Variants in MMRN2 observed in about 807,000 individuals in gnomAD.
MMRN2 encodes the protein multimerin 2, also known as multimerin-2.
A neutral mutation model predicts 68.8 loss-of-function variants in MMRN2; 53 were observed. The ratio of observed to expected loss-of-function variants is 0.77; its 90% CI spans 0.62 to 0.97. The LOEUF (loss-of-function observed/expected upper bound fraction) is 0.97. Among genes scored for constraint, MMRN2 ranks in the 50% least tolerant of loss-of-function variants. The probability of loss-of-function intolerance (pLI) is 0.00; values close to 1 mark genes in which losing one functional copy is unlikely to be tolerated. For synonymous variants in MMRN2, 564 were observed against 551.6 expected (o/e 1.02, Z -0.32); for missense variants, 1,266 against 1,259.5 (o/e 1.01, Z -0.08).
intron 1 of MMRN2, among the ~76,000 whole-genome samples, chr10:86,956,004 G>C (rs1385034269): frequency 6.6e-6 from 1 of 152,130 alleles, no homozygotes; most frequent in Non-Finnish European, 1.5e-5. Context: ...AAGAGGAGCA[G>C]CTCCCTCCTC....
At position 86,944,519 on chromosome 10, in the gene MMRN2, G is replaced by C. The variant is rs570164097; in HGVS notation, c.482-84C>G. On this transcript the variant is annotated intron_variant, in intron 4 of 6. Transcript: ENST00000372027. ...AAGGTTCAGAGAAGGAGAGTTGAAG[G>C]CTGAGAGCAGGGAAGTTAGCTGCTG... is the stretch of plus-strand genomic sequence containing the variant. 4.0e-6 allele frequency: 6 copies of C among 1,486,140 alleles called. No individual in the cohort carries two copies. In the Admixed American group the frequency reaches 1.1e-4, roughly 28 times the overall value. 92.1% of individuals were successfully genotyped at this position (1,486,140 alleles called of 1,614,324 possible). A position where few individuals can be genotyped will look rare whatever the true frequency, so the allele number is the denominator to read the frequency against.
chr10:86,943,229 G>C lies in MMRN2; in HGVS notation c.1555C>G (p.Gln519Glu). Residue 519 changes from glutamine (Q) to glutamate (E), a missense_variant, in exon 6 of 7, where the codon CAG (glutamine) becomes GAG (glutamate). Transcript: ENST00000372027. The surrounding 1 kb of genome is among the most constrained non-coding windows in gnomAD (Gnocchi z 4.2). ...RDATRALEET[Q>E]VSLDERRQLD... is the part of the protein sequence containing the mutation. ...TGCCGCCGCTCGTCCAGGCTCACCT[G>C]GGTCTCCTCCAGGGCACGCGTGGCG... The C allele has an allele frequency of 6.2e-7, 1 of 1,610,984 alleles. No individual in the cohort carries two copies. Among genetic ancestry groups the C allele is most frequent in the Middle Eastern group, 1.7e-4 (1 of 6,058 alleles).
intron 1 of MMRN2, among the ~76,000 whole-genome samples, chr10:86,950,212 C>A (rs1422661847): frequency 6.6e-6 from 1 of 151,564 alleles, no homozygotes; most frequent in Non-Finnish European, 1.5e-5. Flanking sequence ...TGGGCATAAT[C>A]TCCTAATTAT....
At chr10:86,939,792 A>T (rs1245354063) in intron 6 of MMRN2, among the ~76,000 whole-genome samples, 1 of 151,048 alleles carries the variant, frequency 6.6e-6, no homozygotes, top group African/African-American at 2.4e-5. Context: ...ACAAACAAAT[A>T]AAGGGAAATT....
chr10:86,944,613 A>G (rs1589303002), intron 4 of MMRN2, 178 bp from the exon 5 acceptor site: 1 of 617,266 alleles, frequency 1.6e-6, no homozygotes. Context: ...GTGAGCCCTC[A>G]CCCTGCCTCC....
chr10:86,944,503 A>G (rs1844037987), intron 4 of MMRN2, 68 bp from the exon 5 acceptor site: 1 of 1,559,652 alleles, frequency 6.4e-7, no homozygotes, highest in Non-Finnish European at 8.8e-7. Context: ...CAAGGTTCAG[A>G]GAAGGAGAGT....
At position 86,957,448 on chromosome 10, in the gene MMRN2, G is replaced by T; in HGVS notation, c.94C>A (p.Leu32Met). ...AQASSTSLSD[L>M]QSSRTPGVWK... ...ACCCCAGGTGTCCTGGAGCTCTGCAGATCAGAGAGGCTAGTACTGGAAGCC... is the reference window on the plus strand; with the variant it reads ...ACCCCAGGTGTCCTGGAGCTCTGCATATCAGAGAGGCTAGTACTGGAAGCC... The change falls in exon 1 of 7, where the codon CTG becomes ATG. Residue 32 changes from leucine (L) to methionine (M), a missense_variant. Physicochemically the swap from Leu to Met is conservative, Grantham distance 15 (BLOSUM62 2). Coordinates refer to ENST00000372027, the MANE Select transcript of MMRN2 (RefSeq NM_024756.3). The T allele has an allele frequency of 6.2e-7, 1 of 1,613,794 alleles. No homozygotes were observed. Among genetic ancestry groups the T allele is most frequent in the Non-Finnish European group, 8.5e-7 (1 of 1,180,000 alleles).
intron 1 of MMRN2, among the ~76,000 whole-genome samples, chr10:86,953,476 C>T (rs1397766976): frequency 2.0e-5 from 3 of 152,168 alleles, no homozygotes; most frequent in East Asian, 1.9e-4. Flanking sequence ...CCTGTCCCTC[C>T]GTTCAGGGTC....
rs1351728448 is a variant in MMRN2 at position 86,945,434 on chromosome 10, C to T, written c.336G>A (p.Lys112=). ...AHKPVYQVKQ[K]VLTSLAWRCC... is the part of the protein sequence containing the mutation. ...ACCTCCAGGCCAAAGAGGTCAGCACCTTCTGCTTGACCTGGTACACTGGCT... is the reference window on the plus strand; with the variant it reads ...ACCTCCAGGCCAAAGAGGTCAGCACTTTCTGCTTGACCTGGTACACTGGCT... Residue 112 remains lysine (K), a synonymous_variant, in exon 3 of 7, where the codon AAG becomes AAA. Coordinates refer to ENST00000372027, the MANE Select transcript of MMRN2 (RefSeq NM_024756.3). The T allele has an allele frequency of 1.3e-6, 2 of 1,569,486 alleles. No homozygotes were observed. The highest frequency in any genetic ancestry group is 1.7e-6 in the Non-Finnish European group (2 of 1,155,990).
At chr10:86,944,602 A>G in intron 4 of MMRN2, 167 bp from the exon 5 acceptor site, 2 of 656,890 alleles carry the variant, frequency 3.0e-6, no homozygotes, top group Non-Finnish European at 5.1e-6. Context: ...ATGCATAGCA[A>G]GTGAGCCCTC....
At chr10:86,945,147 C>T (rs1408394950) in intron 4 of MMRN2, 41 bp downstream of exon 4, 1 of 1,582,246 alleles carries the variant, frequency 6.3e-7, no homozygotes, top group African/African-American at 1.3e-5. Context: ...TACATGGGCC[C>T]CACCAGCCTG....
At chr10:86,945,739 AG>A in intron 1 of MMRN2, 50 bp from the exon 2 acceptor site, 1 of 1,612,038 alleles carries the variant, frequency 6.2e-7, no homozygotes, top group Non-Finnish European at 8.5e-7. Flanking sequence ...CCAGGTCAAC[AG>A]GGGGTGCCAG....
At chr10:86,947,372 AC>A (rs1163623777) in intron 1 of MMRN2, among the ~76,000 whole-genome samples, 1 of 148,982 alleles carries the variant, frequency 6.7e-6, no homozygotes, top group African/African-American at 2.5e-5. Flanking sequence ...GATTCGAGTG[AC>A]TTTTTTTTTT....
rs554881640 is a variant in MMRN2, at chr10:86,941,750, T to C, written c.2467+567A>G. 2.1e-5 allele frequency among the ~76,000 whole-genome samples: 3 copies of C among 140,478 alleles called. No homozygotes were observed. The East Asian group carries it at 6.1e-4, about 29-fold the overall frequency. The allele number at this position is 140,478 out of a possible 152,430, so 92.2% of individuals were successfully genotyped here. On this transcript the variant is annotated intron_variant, in intron 6 of 6. Coordinates refer to ENST00000372027, the MANE Select transcript of MMRN2 (RefSeq NM_024756.3). Reference sequence around the variant, plus strand: ...GAGAGGTCTAGGCTGCAGTGAGCCATGATCCCACCACTGTACTCAAGCCTG... The same window carrying C: ...GAGAGGTCTAGGCTGCAGTGAGCCACGATCCCACCACTGTACTCAAGCCTG...
In MMRN2 at chr10:86,943,316, T is replaced by C; in HGVS notation, c.1468A>G (p.Lys490Glu). ...GGHADLIKYVKDCNCQKLYLD... is the reference protein window; with the variant it reads ...GGHADLIKYVEDCNCQKLYLD... ...TAGAGCTTCTGGCAATTGCAGTCCT[T>C]CACGTACTTGATGAGGTCGGCATGG... The change falls in exon 6 of 7, where the codon AAG becomes GAG. Residue 490 changes from lysine (K) to glutamate (E), a missense_variant. By Grantham distance (56) the Lys-to-Glu change is moderately conservative (BLOSUM62 1). Transcript: ENST00000372027. This position sits in a 1 kb window ranked among gnomAD's most constrained non-coding sequence, Gnocchi z 4.2. The C allele has an allele frequency of 6.2e-7, 1 of 1,613,808 alleles. No individual in the cohort carries two copies. The highest frequency in any genetic ancestry group is 8.5e-7 in the Non-Finnish European group (1 of 1,179,978).
chr10:86,944,625 A>T lies in MMRN2; in HGVS notation c.482-190T>A, dbSNP rs1264188809. On this transcript the variant is annotated intron_variant, in intron 4 of 6. Transcript: ENST00000372027. Reference sequence around the variant, plus strand: ...CAAGTGAGCCCTCACCCTGCCTCCTACACCTACAGCAGACATGACTAATCA... The same window carrying T: ...CAAGTGAGCCCTCACCCTGCCTCCTTCACCTACAGCAGACATGACTAATCA... 6 of 593,870 alleles carry T rather than the reference A, an allele frequency of 1.0e-5. No homozygotes were observed. The East Asian group carries it at 1.7e-4, about 17-fold the overall frequency. The allele number at this position is 593,870 out of a possible 1,614,324, so 36.8% of individuals were successfully genotyped here.
At chr10:86,940,995 G>A (rs1354525057) in intron 6 of MMRN2, among the ~76,000 whole-genome samples, 1 of 152,232 alleles carries the variant, frequency 6.6e-6, no homozygotes, top group Non-Finnish European at 1.5e-5. Context: ...TTCTGGAGGT[G>A]AAGAACCGGC....
chr10:86,944,561 A>C (rs1844038403), intron 4 of MMRN2, 126 bp from the exon 5 acceptor site: 4 of 1,054,732 alleles, frequency 3.8e-6, no homozygotes, highest in Non-Finnish European at 5.5e-6. Flanking sequence ...TCTGAGCAGG[A>C]GCTTAGAAGC....
chr10:86,948,380 CAG>C lies in MMRN2; in HGVS notation c.165-2693_165-2692del, dbSNP rs151096398. 5.3e-3 allele frequency among the ~76,000 whole-genome samples: 804 copies of C among 151,612 alleles called. 9 individuals carry two copies. Among genetic ancestry groups the C allele is most frequent in the African/African-American group, 0.018 (760 of 41,344 alleles). Reference sequence around the variant, plus strand: ...AATTACTGCACCCAAGAAACAAGACCAGGAAGCTATGAAAAAAACAAATGAGG... The same window carrying C: ...AATTACTGCACCCAAGAAACAAGACCGAAGCTATGAAAAAAACAAATGAGG... On this transcript the variant is annotated intron_variant, in intron 1 of 6. Coordinates refer to ENST00000372027, the MANE Select transcript of MMRN2 (RefSeq NM_024756.3).
Sources: allele counts gnomAD v4.1 joint callset (sites outside exome capture counted in the v4.1 genomes callset), GRCh38; gene constraint gnomAD v4.1.1; non-coding constraint Gnocchi (gnomAD v3.1); transcripts MANE v1.5; gene names NCBI Gene and HGNC (gene_info 2026-07-23, HGNC 2026-07-21).